ANK2: variants seen among roughly 807,000 people sequenced by gnomAD.
ANK2 encodes ankyrin 2, also known as ankyrin-2.
A neutral mutation model predicts 360.5 loss-of-function variants in ANK2; 83 were observed. The observed-to-expected ratio is 0.23, with a 90% CI of 0.19 to 0.28. ANK2 has a LOEUF of 0.28. ANK2 is among the 10% of genes least tolerant of loss of function. The pLI is 1.00. For missense variants in ANK2, 4,201 were observed against 4,795.7 expected, an observed-to-expected ratio of 0.88 and a Z score of 3.66; for synonymous variants, 1,740 against 1,759.5, an observed-to-expected ratio of 0.99 and a Z score of 0.28.
intron 9 of ANK2, among the ~76,000 whole-genome samples, chr4:113,249,325 G>A (rs1322418623): frequency 1.3e-5 from 2 of 152,158 alleles, no homozygotes; most frequent in Non-Finnish European, 2.9e-5. Context: ...AAAATTTTTA[G>A]GTAAAAGTAT....
chr4:113,118,609 A>C (rs2095078513), intron 1 of ANK2, among the ~76,000 whole-genome samples: 1 of 152,176 alleles, frequency 6.6e-6, no homozygotes, highest in African/African-American at 2.4e-5. Context: ...AGCAGTATAT[A>C]ATGATTTCCC....
At chr4:112,727,975 C>A in the ANK2 span, among the ~76,000 whole-genome samples, 1 of 150,758 alleles carries the variant, frequency 6.6e-6, no homozygotes, top group Admixed American at 6.6e-5. Context: ...GAAACTCTGT[C>A]TCAAAAGAAA....
At chr4:113,195,286 T>C (rs1464302206) in intron 2 of ANK2, among the ~76,000 whole-genome samples, 1 of 152,132 alleles carries the variant, frequency 6.6e-6, no homozygotes, top group African/African-American at 2.4e-5. Context: ...TACTATTAAA[T>C]GTCACAGTGT....
intron 35 of ANK2, among the ~76,000 whole-genome samples, 188 bp downstream of exon 35, chr4:113,346,210 C>T (rs565357278): frequency 3.3e-5 from 5 of 152,296 alleles, no homozygotes; most frequent in East Asian, 1.9e-4. Context: ...GTCAGATTTA[C>T]GATTTCCACT....
At chr4:113,179,196 T>C (rs2098328944) in intron 2 of ANK2, among the ~76,000 whole-genome samples, 1 of 152,206 alleles carries the variant, frequency 6.6e-6, no homozygotes, top group African/African-American at 2.4e-5. Context: ...ATATGGCATA[T>C]GAAAGAAGAA....
intron 1 of ANK2, among the ~76,000 whole-genome samples, chr4:113,104,691 G>T (rs1452690202): frequency 2.0e-5 from 3 of 151,854 alleles, no homozygotes; most frequent in Non-Finnish European, 4.4e-5. Flanking sequence ...CTCCAGCTTT[G>T]GTGATAGAAC....
intron 1 of ANK2, among the ~76,000 whole-genome samples, chr4:113,060,846 G>A (rs180970616): frequency 1.1e-3 from 169 of 152,150 alleles, no homozygotes; most frequent in African/African-American, 3.9e-3. Context: ...GAAGAATGAA[G>A]CTTTATAGTT....
intron 1 of ANK2, among the ~76,000 whole-genome samples, chr4:112,890,141 C>T (rs974060590): frequency 2.6e-5 from 4 of 152,122 alleles, no homozygotes; most frequent in Non-Finnish European, 4.4e-5. Flanking sequence ...TCTCTTTCAC[C>T]TCTTTTTCTT....
At position 113,369,620 on chromosome 4, in the gene ANK2, A is replaced by G. The variant is rs1399266461; in HGVS notation, c.11425A>G (p.Lys3809Glu). The change falls in exon 43 of 46, where the codon AAG becomes GAG. Residue 3809 changes from lysine (K) to glutamate (E), a missense_variant. Physicochemically the swap from Lys to Glu is moderately conservative, Grantham distance 56. Coordinates refer to ENST00000357077, the MANE Select transcript of ANK2 (RefSeq NM_001148.6). ...AGTTAGCACCCCTGCAGAGGAGGAG[A>G]AGCTGTACCTCCAGACCCCAACATC... is the stretch of plus-strand genomic sequence containing the variant. ...EEVSTPAEEE[K>E]LYLQTPTSSE... is the part of the protein sequence containing the mutation. 3 of 1,614,074 alleles carry G rather than the reference A, an allele frequency of 1.9e-6. No individual in the cohort carries two copies. In the East Asian group the frequency reaches 6.7e-5, roughly 36 times the overall value.
chr4:112,820,036 C>A (rs769343135), intron 1 of ANK2, among the ~76,000 whole-genome samples: 1 of 152,228 alleles, frequency 6.6e-6, no homozygotes, highest in Admixed American at 6.5e-5. Context: ...CCTGATTTCT[C>A]TGCAGACACA....
At chr4:113,373,612 T>TG in intron 45 of ANK2, 163 bp downstream of exon 45, 3 of 826,584 alleles carry the variant, frequency 3.6e-6, no homozygotes, top group Non-Finnish European at 6.4e-6. Flanking sequence ...TGATTCTATG[T>TG]GATTTTAAGA....
At chr4:112,986,089 C>CTGATGCTATGAA (rs760952561) in intron 2 of ANK2, among the ~76,000 whole-genome samples, 1 of 146,062 alleles carries the variant, frequency 6.8e-6, no homozygotes, top group Non-Finnish European at 1.5e-5. Context: ...TATATATAAT[C>CTGATGCTATGAA]CAATATATAG....
intron 1 of ANK2, among the ~76,000 whole-genome samples, chr4:112,874,642 CAAAAAA>C (rs1160396405): frequency 1.3e-5 from 1 of 79,604 alleles, no homozygotes; most frequent in Non-Finnish European, 2.5e-5. Context: ...GACGCCATCT[CAAAAAA>C]AAAAAAAAAA....
At chr4:113,147,234 G>A (rs1325396143) in intron 1 of ANK2, among the ~76,000 whole-genome samples, 2 of 152,078 alleles carry the variant, frequency 1.3e-5, no homozygotes, top group Admixed American at 6.5e-5. Flanking sequence ...GTTAACAACC[G>A]CACAGGCGAG....
At chr4:112,791,638 G>A in the ANK2 span, among the ~76,000 whole-genome samples, 2 of 139,152 alleles carry the variant, frequency 1.4e-5, no homozygotes, top group Non-Finnish European at 3.0e-5. Context: ...ACAGGCACCC[G>A]CCACCACGCC....
chr4:113,292,893 A>C, intron 21 of ANK2: 1 of 366,404 alleles, frequency 2.7e-6, no homozygotes, highest in Admixed American at 3.8e-5. Context: ...TTGTGGAGCC[A>C]TTGAAATGTA....
chr4:113,142,358 G>T (rs1360501368), intron 1 of ANK2, among the ~76,000 whole-genome samples: 1 of 152,142 alleles, frequency 6.6e-6, no homozygotes, highest in Non-Finnish European at 1.5e-5. Flanking sequence ...CTCTTCTACA[G>T]ACCCCTTACA....
chr4:112,821,161 C>T (rs1373814749), intron 1 of ANK2, among the ~76,000 whole-genome samples: 5 of 152,022 alleles, frequency 3.3e-5, no homozygotes, highest in Middle Eastern at 3.4e-3. Context: ...GTGATCCGCC[C>T]GCCTCGGTCT....
At chr4:112,863,608 C>T (rs1440121950) in intron 1 of ANK2, among the ~76,000 whole-genome samples, 1 of 150,116 alleles carries the variant, frequency 6.7e-6, no homozygotes, top group Non-Finnish European at 1.5e-5. Context: ...CTGCAAGCTC[C>T]GCCTCCCGGG....
Sources: gnomAD v4.1 joint callset for allele counts (sites outside exome capture counted in the v4.1 genomes callset) on GRCh38, gnomAD v4.1.1 for gene constraint, MANE v1.5 for transcripts, NCBI Gene and HGNC (gene_info 2026-07-23, HGNC 2026-07-21) for gene names.